The following SLC35D4 variants were observed in gnomAD, a reference collection of about 807,000 sequenced individuals.
The protein encoded by SLC35D4 is solute carrier family 35 member D4.
At chr18:23,266,975 C>T in the SLC35D4 span, among the ~76,000 whole-genome samples, 1 of 152,104 alleles carries the variant, frequency 6.6e-6, no homozygotes, top group Admixed American at 6.6e-5. Flanking sequence ...CCCACCTAGC[C>T]TAGGCCCCCC....
chr18:23,262,969 T>G, the SLC35D4 span, among the ~76,000 whole-genome samples: 1 of 152,146 alleles, frequency 6.6e-6, no homozygotes, highest in African/African-American at 2.4e-5. Flanking sequence ...GACACGGTCT[T>G]CAACAAGGGG....
At chr18:23,437,776 C>CT in the SLC35D4 span, 5 of 1,610,556 alleles carry the variant, frequency 3.1e-6, no homozygotes, top group Non-Finnish European at 4.2e-6. Flanking sequence ...CGCCCGCCCC[C>CT]TCACCTTGTT....
At chr18:23,370,273 A>G in the SLC35D4 span, 1 of 1,613,290 alleles carries the variant, frequency 6.2e-7, no homozygotes, top group East Asian at 2.2e-5. Flanking sequence ...TGAAAATGAA[A>G]TAAAACATAT....
the SLC35D4 span, among the ~76,000 whole-genome samples, chr18:23,254,252 T>C: frequency 6.6e-6 from 1 of 152,214 alleles, no homozygotes; most frequent in Non-Finnish European, 1.5e-5. Flanking sequence ...CCCCAGGCAG[T>C]GTGACCCACA....
the SLC35D4 span, among the ~76,000 whole-genome samples, chr18:23,310,006 T>C: frequency 6.6e-6 from 1 of 152,192 alleles, no homozygotes; most frequent in Admixed American, 6.5e-5. Context: ...GCATTTAACT[T>C]CCAAATTCTT....
the SLC35D4 span, among the ~76,000 whole-genome samples, chr18:23,404,800 A>T: frequency 6.6e-6 from 1 of 150,706 alleles, no homozygotes; most frequent in Non-Finnish European, 1.5e-5. Flanking sequence ...ATCCTAGCCA[A>T]CATGGTGAAA....
At chr18:23,337,625 G>C in the SLC35D4 span, among the ~76,000 whole-genome samples, 3 of 152,088 alleles carry the variant, frequency 2.0e-5, no homozygotes, top group Non-Finnish European at 4.4e-5. Flanking sequence ...TCTGAACATG[G>C]AATCTTAATA....
chr18:23,289,509 C>A, the SLC35D4 span, among the ~76,000 whole-genome samples: 1 of 152,218 alleles, frequency 6.6e-6, no homozygotes, highest in Non-Finnish European at 1.5e-5. Flanking sequence ...ACTCTAGGTT[C>A]CCACGCCATC....
At chr18:23,430,605 A>G in the SLC35D4 span, 9 of 1,575,508 alleles carry the variant, frequency 5.7e-6, no homozygotes, top group East Asian at 1.1e-4. Flanking sequence ...CTAAAAATGT[A>G]TATAAAGAGC....
chr18:23,277,131 G>C, the SLC35D4 span, among the ~76,000 whole-genome samples: 1 of 152,186 alleles, frequency 6.6e-6, no homozygotes, highest in African/African-American at 2.4e-5. Flanking sequence ...GCTGGTCTAG[G>C]ATGGTAATAC....
the SLC35D4 span, among the ~76,000 whole-genome samples, chr18:23,410,752 G>A: frequency 1.3e-5 from 2 of 149,746 alleles, no homozygotes; most frequent in Non-Finnish European, 3.0e-5. Flanking sequence ...GGCCAAGATC[G>A]CACCACTGCA....
the SLC35D4 span, among the ~76,000 whole-genome samples, chr18:23,404,942 C>A: frequency 7.6e-6 from 1 of 131,178 alleles, no homozygotes; most frequent in Non-Finnish European, 1.6e-5. Flanking sequence ...GCTGAGATGG[C>A]ACCACTGCTC....
chr18:23,350,771 G>T, the SLC35D4 span, among the ~76,000 whole-genome samples: 2 of 152,146 alleles, frequency 1.3e-5, no homozygotes, highest in African/African-American at 2.4e-5. Context: ...CCTCTTGGAA[G>T]TGGTGGTAAG....
chr18:23,368,836 A>G, the SLC35D4 span: 3 of 883,378 alleles, frequency 3.4e-6, no homozygotes, highest in Non-Finnish European at 5.1e-6. Context: ...CTACTAATAA[A>G]TTCTATTTTA....
At chr18:23,322,399 A>C in the SLC35D4 span, among the ~76,000 whole-genome samples, 2 of 152,228 alleles carry the variant, frequency 1.3e-5, no homozygotes, top group Admixed American at 1.3e-4. Flanking sequence ...TGGAGTGGGC[A>C]GTAGAATTCA....
the SLC35D4 span, among the ~76,000 whole-genome samples, chr18:23,277,080 C>T: frequency 6.6e-6 from 1 of 152,222 alleles, no homozygotes; most frequent in Non-Finnish European, 1.5e-5. Flanking sequence ...CAGCTGGTCT[C>T]ACCCAGGCTC....
chr18:23,405,174 T>C, the SLC35D4 span, among the ~76,000 whole-genome samples: 2 of 152,076 alleles, frequency 1.3e-5, no homozygotes, highest in Non-Finnish European at 2.9e-5. Context: ...CTGTGATAAA[T>C]AAATTTCTGT....
At chr18:23,330,543 C>G in the SLC35D4 span, among the ~76,000 whole-genome samples, 790 of 152,228 alleles carry the variant, frequency 5.2e-3, 4 homozygotes, top group Non-Finnish European at 8.1e-3. Flanking sequence ...CAAACTCTGA[C>G]CAGGAAACCA....
chr18:23,270,987 G>C, the SLC35D4 span, among the ~76,000 whole-genome samples: 1 of 152,198 alleles, frequency 6.6e-6, no homozygotes, highest in East Asian at 1.9e-4. Context: ...GATTTGGGAG[G>C]GGCCGGGGTG....
Sources: allele counts gnomAD v4.1 joint callset (sites outside exome capture counted in the v4.1 genomes callset), GRCh38; gene constraint gnomAD v4.1.1; transcripts MANE v1.5; gene names NCBI Gene and HGNC (gene_info 2026-07-23, HGNC 2026-07-21).